The following ZBTB43 variants were observed in gnomAD, a reference collection of about 807,000 sequenced individuals.
ZBTB43 encodes the protein zinc finger and BTB domain containing 43, also known as zinc finger and BTB domain-containing protein 43.
In ZBTB43, 6 loss-of-function variants were observed where a neutral mutation model predicts 31.1. That is an observed-to-expected ratio of 0.19 (90% CI 0.11 to 0.38). The LOEUF is 0.38. ZBTB43 is among the 10% of genes least tolerant of loss of function. ZBTB43 has a pLI of 1.00. For missense variants in ZBTB43, 379 were observed against 602.1 expected, an observed-to-expected ratio of 0.63 and a Z score of 3.88; for synonymous variants, 212 against 221.7, an observed-to-expected ratio of 0.96 and a Z score of 0.39.
At chr9:126,820,841 A>T (rs1212979186) in intron 2 of ZBTB43, among the ~76,000 whole-genome samples, 2 of 151,580 alleles carry the variant, frequency 1.3e-5, no homozygotes, top group Non-Finnish European at 2.9e-5. Context: ...GGTGTCATGC[A>T]CTTGTAGTCC....
intron 2 of ZBTB43, among the ~76,000 whole-genome samples, chr9:126,811,539 TTAA>T (rs1477166907): frequency 2.0e-5 from 3 of 152,262 alleles, no homozygotes; most frequent in African/African-American, 7.2e-5. Flanking sequence ...TTATTTCCTA[TTAA>T]TGATGACATT....
intron 2 of ZBTB43, among the ~76,000 whole-genome samples, chr9:126,810,349 C>A (rs2032217461): frequency 6.6e-6 from 1 of 151,994 alleles, no homozygotes; most frequent in South Asian, 2.1e-4. Flanking sequence ...CATCTGTCAG[C>A]ATGCCCAGCT....
At chr9:126,822,383 A>G (rs1003532522) in intron 2 of ZBTB43, among the ~76,000 whole-genome samples, 5 of 152,332 alleles carry the variant, frequency 3.3e-5, no homozygotes, top group Admixed American at 1.3e-4. Flanking sequence ...ACAGCATTGC[A>G]TGCTACAGAG....
At chr9:126,814,974 C>CT (rs913458776) in intron 2 of ZBTB43, among the ~76,000 whole-genome samples, 2 of 149,762 alleles carry the variant, frequency 1.3e-5, no homozygotes, top group African/African-American at 4.9e-5. Context: ...CACAAGGGGC[C>CT]TTTTTTTTGT....
chr9:126,826,034 A>G (rs1431516948), intron 2 of ZBTB43, among the ~76,000 whole-genome samples: 1 of 127,930 alleles, frequency 7.8e-6, no homozygotes, highest in Non-Finnish European at 1.6e-5. Context: ...TTTTTTTGAG[A>G]TGAAGTTTCG....
intron 1 of ZBTB43, among the ~76,000 whole-genome samples, chr9:126,806,943 A>C (rs1336630499): frequency 6.6e-6 from 1 of 152,234 alleles, no homozygotes; most frequent in Non-Finnish European, 1.5e-5. Flanking sequence ...GATACTTGAT[A>C]ATTATGCTTT....
chr9:126,824,026 A>G lies in ZBTB43; in HGVS notation c.-23-8461A>G, dbSNP rs1037597832. The stretch of plus-strand genomic sequence containing the variant: ...AAGAATTAAAAACCAAAAGTACAAC[A>G]ATGATGGCTTTTTTTTTTGAGACAG... On this transcript the variant is annotated intron_variant, in intron 2 of 2. Coordinates refer to ENST00000373464, the MANE Select transcript of ZBTB43 (RefSeq NM_014007.4). 2.0e-5 allele frequency among the ~76,000 whole-genome samples: 3 copies of G among 152,206 alleles called. No homozygotes were observed. The East Asian group carries it at 5.8e-4, about 29-fold the overall frequency.
At position 126,821,948 on chromosome 9, in the gene ZBTB43, C is replaced by T. The variant is rs374768799; in HGVS notation, c.-23-10539C>T. 5.3e-5 allele frequency among the ~76,000 whole-genome samples: 8 copies of T among 152,212 alleles called. No individual in the cohort carries two copies. In the South Asian group the frequency reaches 8.3e-4, roughly 16 times the overall value. On this transcript the variant is annotated intron_variant, in intron 2 of 2. Transcript: ENST00000373464. ...CACGATCTTGGCTCACTGCAACCTC[C>T]GTCTCCTGGGTTCAAGCAGTTCTCC...
chr9:126,818,938 C>A (rs1340143323), intron 2 of ZBTB43, among the ~76,000 whole-genome samples: 1 of 152,176 alleles, frequency 6.6e-6, no homozygotes, highest in East Asian at 1.9e-4. Context: ...GGATTGGTGT[C>A]AGTTCTTCTT....
At chr9:126,827,729 C>T (rs1407003239) in intron 2 of ZBTB43, among the ~76,000 whole-genome samples, 6 of 152,106 alleles carry the variant, frequency 3.9e-5, no homozygotes, top group African/African-American at 9.7e-5. Context: ...CAACAGAGGC[C>T]GGGCGAGGTG....
intron 2 of ZBTB43, among the ~76,000 whole-genome samples, chr9:126,829,498 G>A (rs905192861): frequency 3.9e-5 from 6 of 152,276 alleles, no homozygotes; most frequent in South Asian, 2.1e-4. Context: ...GCTAATGTGG[G>A]AAGATCTCCA....
At chr9:126,810,137 C>T (rs1211370824) in intron 2 of ZBTB43, among the ~76,000 whole-genome samples, 1 of 151,784 alleles carries the variant, frequency 6.6e-6, no homozygotes, top group Non-Finnish European at 1.5e-5. Context: ...GCCCGGCCCA[C>T]TAACTGCTGG....
chr9:126,823,038 T>C (rs2032549552), intron 2 of ZBTB43, among the ~76,000 whole-genome samples: 1 of 152,114 alleles, frequency 6.6e-6, no homozygotes, highest in Non-Finnish European at 1.5e-5. Context: ...CACTTTATTA[T>C]GGTGTTTATT....
At position 126,832,559 on chromosome 9, in the gene ZBTB43, G is replaced by A; in HGVS notation, c.50G>A (p.Ser17Asn). 1.9e-6 allele frequency: 3 copies of A among 1,612,438 alleles called. No homozygotes were observed. Among genetic ancestry groups the A allele is most frequent in the Non-Finnish European group, 2.5e-6 (3 of 1,178,560 alleles). ...CGGGTAGAATTTCCTGATTTTTCCA[G>A]CACCATTCTACAGAAACTGAACCAG... The part of the protein sequence containing the change: ...SFRVEFPDFS[S>N]TILQKLNQQR... Residue 17 changes from serine to asparagine, a missense_variant, in exon 3 of 3, where the codon AGC (serine) becomes AAC (asparagine). Coordinates refer to ENST00000373464, the MANE Select transcript of ZBTB43 (RefSeq NM_014007.4).
intron 1 of ZBTB43, 146 bp from the exon 2 acceptor site, chr9:126,808,647 A>T (rs2032179949): frequency 6.6e-6 from 1 of 152,218 alleles, no homozygotes; most frequent in Admixed American, 6.5e-5. Context: ...GGAGCTATGA[A>T]GTTGCAGAAT....
At chr9:126,818,376 C>A (rs765487259) in intron 2 of ZBTB43, among the ~76,000 whole-genome samples, 112 of 151,928 alleles carry the variant, frequency 7.4e-4, no homozygotes, top group Non-Finnish European at 1.5e-3. Flanking sequence ...TCAAGTGATC[C>A]TCCCAAGTAG....
intron 2 of ZBTB43, chr9:126,831,958 CAAA>C (rs34040959): frequency 5.4e-5 from 6 of 111,818 alleles, no homozygotes; most frequent in African/African-American, 1.2e-4. Flanking sequence ...AACTCTATCT[CAAA>C]AAAAAAAAAA....
At chr9:126,810,390 C>T (rs1334196771) in intron 2 of ZBTB43, among the ~76,000 whole-genome samples, 1 of 150,676 alleles carries the variant, frequency 6.6e-6, no homozygotes. Flanking sequence ...GACAGGGTTT[C>T]GCCTTCTTGG....
chr9:126,820,913 G>C (rs1018111989), intron 2 of ZBTB43, among the ~76,000 whole-genome samples: 1 of 136,290 alleles, frequency 7.3e-6, no homozygotes, highest in Non-Finnish European at 1.5e-5. Context: ...GCTGCAGTGA[G>C]CCACAATCGC....
Sources: allele counts gnomAD v4.1 joint callset (sites outside exome capture counted in the v4.1 genomes callset), GRCh38; gene constraint gnomAD v4.1.1; transcripts MANE v1.5; gene names NCBI Gene and HGNC (gene_info 2026-07-23, HGNC 2026-07-21).